The following MTSS1 variants were observed in gnomAD, a reference collection of about 807,000 sequenced individuals.
MTSS1 encodes the protein protein MTSS 1.
Under a neutral mutation model 79.0 loss-of-function variants are expected in MTSS1, and 18 were observed. The ratio of observed to expected loss-of-function variants is 0.23; its 90% CI spans 0.16 to 0.34. The LOEUF is 0.34. MTSS1 is among the 10% of genes least tolerant of loss of function. The pLI, the probability that MTSS1 is intolerant of heterozygous loss-of-function variation, is 1.00. For missense variants in MTSS1, 815 were observed against 986.2 expected (o/e 0.83, Z 2.33); for synonymous variants, 341 against 368.6 (o/e 0.93, Z 0.86).
At chr8:124,696,692 A>C (rs1393654823) in intron 3 of MTSS1, among the ~76,000 whole-genome samples, 2 of 149,560 alleles carry the variant, frequency 1.3e-5, no homozygotes, top group Admixed American at 6.6e-5. Flanking sequence ...CTCTACTAAA[A>C]ATACAAAAAT....
intron 10 of MTSS1, among the ~76,000 whole-genome samples, chr8:124,559,532 AGGTC>A (rs1309850881): frequency 1.3e-5 from 2 of 152,086 alleles, no homozygotes; most frequent in African/African-American, 4.8e-5. Flanking sequence ...ATCTCTGGAG[AGGTC>A]TCATTTGGGA....
At chr8:124,726,824 C>G (rs1188698082) in intron 1 of MTSS1, among the ~76,000 whole-genome samples, 1 of 152,224 alleles carries the variant, frequency 6.6e-6, no homozygotes, top group Non-Finnish European at 1.5e-5. Flanking sequence ...ACCACCTCCC[C>G]GGATCTGGAT....
At chr8:124,634,131 A>C (rs1816545317) in intron 3 of MTSS1, among the ~76,000 whole-genome samples, 1 of 150,064 alleles carries the variant, frequency 6.7e-6, no homozygotes, top group African/African-American at 2.5e-5. Context: ...TTTTTGAGAC[A>C]GGGTCTCACT....
chr8:124,607,660 T>C (rs1835107214), intron 3 of MTSS1, among the ~76,000 whole-genome samples: 2 of 152,150 alleles, frequency 1.3e-5, no homozygotes, highest in Non-Finnish European at 2.9e-5. Flanking sequence ...ATCTATTCAA[T>C]GGAAGGGCAT....
intron 4 of MTSS1, 62 bp downstream of exon 4, chr8:124,591,089 C>T: frequency 2.2e-6 from 3 of 1,376,916 alleles, no homozygotes; most frequent in South Asian, 1.2e-5. Flanking sequence ...CCACACATGA[C>T]TGCTTCCTTA....
chr8:124,610,446 G>A (rs1410789038), intron 3 of MTSS1, among the ~76,000 whole-genome samples: 2 of 152,178 alleles, frequency 1.3e-5, no homozygotes, highest in African/African-American at 4.8e-5. Flanking sequence ...CAATCACTTG[G>A]CTGCGCATAA....
In MTSS1 at chr8:124,727,096, G is replaced by A. The variant is rs552202809; in HGVS notation, c.72+788C>T. Among the ~76,000 whole-genome samples, 61 of 151,830 alleles carry A rather than the reference G, an allele frequency of 4.0e-4. No homozygotes were observed. Among genetic ancestry groups the A allele is most frequent in the East Asian group, 1.2e-3 (6 of 5,116 alleles). On this transcript the variant is annotated intron_variant, in intron 1 of 13. Transcript: ENST00000518547. This position sits in a 1 kb window ranked among gnomAD's most constrained non-coding sequence, Gnocchi z 4.7. ...GTTCCCCGCCCCCACGCGCGCGCGC[G>A]CACACACACATGCACGCGCGCACAC... is the stretch of plus-strand genomic sequence containing the variant.
In MTSS1 at chr8:124,727,749, G is replaced by T; in HGVS notation, c.72+135C>A. ...CCCCGGGTGAGCAGGTGACACTCCGGCCGGGAGCTCCCGCAGGTGGCCGGT... is the reference window on the plus strand; with the variant it reads ...CCCCGGGTGAGCAGGTGACACTCCGTCCGGGAGCTCCCGCAGGTGGCCGGT... On this transcript the variant is annotated intron_variant, in intron 1 of 13. Coordinates refer to ENST00000518547, the MANE Select transcript of MTSS1 (RefSeq NM_014751.6). The surrounding 1 kb of genome is among the most constrained non-coding windows in gnomAD (Gnocchi z 4.7). The T allele has an allele frequency of 2.7e-6, 2 of 744,768 alleles. No individual in the cohort carries two copies. Among genetic ancestry groups the T allele is most frequent in the Non-Finnish European group, 4.3e-6 (2 of 467,556 alleles). The allele number at this position is 744,768 out of a possible 1,614,324, so 46.1% of individuals were successfully genotyped here. A position where few individuals can be genotyped will look rare whatever the true frequency, so the allele number is the denominator to read the frequency against.
At chr8:124,670,739 T>C (rs1206955738) in intron 3 of MTSS1, among the ~76,000 whole-genome samples, 1 of 152,104 alleles carries the variant, frequency 6.6e-6, no homozygotes, top group East Asian at 1.9e-4. Context: ...TAAAAAGAGC[T>C]CCTGGCTCTT....
At chr8:124,697,660 C>G (rs934612408) in intron 3 of MTSS1, among the ~76,000 whole-genome samples, 1 of 152,098 alleles carries the variant, frequency 6.6e-6, no homozygotes, top group African/African-American at 2.4e-5. Context: ...CCAGATACTG[C>G]TGAAGTAGAA....
chr8:124,580,694 G>T, intron 6 of MTSS1: 2 of 1,057,654 alleles, frequency 1.9e-6, no homozygotes, highest in Non-Finnish European at 2.7e-6. Flanking sequence ...TCCATGGCTC[G>T]CCACCAAATT....
chr8:124,597,639 T>C lies in MTSS1; in HGVS notation c.209-6404A>G, dbSNP rs1832996136. On this transcript the variant is annotated intron_variant, in intron 3 of 13. Transcript: ENST00000518547. The surrounding 1 kb of genome is among the most constrained non-coding windows in gnomAD (Gnocchi z 4.6). ...AGCAGGGGACTAATGGCAGGCATTCTTGGGGGCTACAGTGTGGGCAGGTGG... is the reference window on the plus strand; with the variant it reads ...AGCAGGGGACTAATGGCAGGCATTCCTGGGGGCTACAGTGTGGGCAGGTGG... Among the ~76,000 whole-genome samples the C allele has an allele frequency of 6.6e-6, 1 of 152,158 alleles. No homozygotes were observed. The highest frequency in any genetic ancestry group is 1.5e-5 in the Non-Finnish European group (1 of 68,018).
At chr8:124,654,348 G>A (rs986242914) in intron 3 of MTSS1, among the ~76,000 whole-genome samples, 5 of 152,048 alleles carry the variant, frequency 3.3e-5, no homozygotes, top group African/African-American at 1.2e-4. Context: ...TCCCTGGCAC[G>A]CAAAGCATCA....
intron 3 of MTSS1, among the ~76,000 whole-genome samples, chr8:124,617,787 G>C (rs114388648): frequency 6.6e-6 from 1 of 152,050 alleles, no homozygotes; most frequent in African/African-American, 2.4e-5. Flanking sequence ...TATACTCCTC[G>C]CTTGAAGTAG....
rs1468784542 is a variant in MTSS1, at chr8:124,552,760, A to G, written c.*232T>C. ...CAGAAAAATCAAAAGGGAAACTAAG[A>G]TTAAAATGTGCAGAAAGAAAATTGT... On this transcript the variant is annotated 3_prime_UTR_variant, in exon 14 of 14. Transcript: ENST00000518547. 8.5e-6 allele frequency: 4 copies of G among 473,038 alleles called. No individual in the cohort carries two copies. Among genetic ancestry groups the G allele is most frequent in the Non-Finnish European group, 1.5e-5 (4 of 271,626 alleles). The allele number at this position is 473,038 out of a possible 1,614,324, so 29.3% of individuals were successfully genotyped here.
intron 2 of MTSS1, among the ~76,000 whole-genome samples, chr8:124,702,358 G>C (rs1274499810): frequency 6.6e-6 from 1 of 152,194 alleles, no homozygotes; most frequent in Non-Finnish European, 1.5e-5. Flanking sequence ...GGACTCAGGT[G>C]AGGAGCCCTG....
chr8:124,554,320 G>A (rs963663886), intron 13 of MTSS1, among the ~76,000 whole-genome samples: 2 of 152,134 alleles, frequency 1.3e-5, no homozygotes, highest in Admixed American at 1.3e-4. Flanking sequence ...TCTTTGTTAT[G>A]GAGGACGTGG....
chr8:124,709,190 C>A (rs1564032947), intron 1 of MTSS1, among the ~76,000 whole-genome samples: 2 of 152,128 alleles, frequency 1.3e-5, no homozygotes. Flanking sequence ...ACTCAAGTTT[C>A]AAAAGAAACC....
At position 124,682,899 on chromosome 8, in the gene MTSS1, T is replaced by TA. The variant is rs569670087; in HGVS notation, c.208+16626dup. On this transcript the variant is annotated intron_variant, in intron 3 of 13. Transcript: ENST00000518547. ...CTTTTCTGAAACCAAAACACATTTC[T>TA]AACCACTTTCTTGAAGAAAACAAAA... Among the ~76,000 whole-genome samples the TA allele has an allele frequency of 6.8e-4, 103 of 152,366 alleles. 1 individual carries two copies. The highest frequency in any genetic ancestry group is 3.2e-3 in the Admixed American group (49 of 15,302).
Sources: gnomAD v4.1 joint callset for allele counts (sites outside exome capture counted in the v4.1 genomes callset) on GRCh38, gnomAD v4.1.1 for gene constraint, Gnocchi (gnomAD v3.1) non-coding constraint, MANE v1.5 for transcripts, NCBI Gene and HGNC (gene_info 2026-07-23, HGNC 2026-07-21) for gene names.